KLHL29: variants seen among roughly 807,000 people sequenced by gnomAD.
The protein encoded by KLHL29 is kelch like family member 29, also known as kelch-like protein 29.
A neutral mutation model predicts 80.4 loss-of-function variants in KLHL29; 21 were observed. The ratio of observed to expected loss-of-function variants is 0.26; its 90% confidence interval spans 0.19 to 0.38. The LOEUF (loss-of-function observed/expected upper bound fraction) is 0.38. KLHL29 is among the 10% of genes least tolerant of loss of function. KLHL29 has a pLI of 1.00. For synonymous variants in KLHL29, 511 were observed against 526.8 expected (o/e 0.97, Z 0.41); for missense variants, 867 against 1,223.9 (o/e 0.71, Z 4.35).
At chr2:23,632,360 C>T (rs1191725945) in intron 3 of KLHL29, among the ~76,000 whole-genome samples, 1 of 152,264 alleles carries the variant, frequency 6.6e-6, no homozygotes, top group Non-Finnish European at 1.5e-5. Flanking sequence ...CTTTGCAGTG[C>T]AAGAGCCCCT....
chr2:23,642,802 A>C lies in KLHL29; in HGVS notation c.892A>C (p.Thr298Pro). 1 of 1,550,332 alleles carries C rather than the reference A, an allele frequency of 6.5e-7. No homozygotes were observed. The highest frequency in any genetic ancestry group is 8.7e-7 in the Non-Finnish European group (1 of 1,146,876). Reference sequence around the variant, plus strand: ...GGCCCACGGGCTGCAGATGCTGCGGACCATTGGCGTGGGGAAGTATGAGTT... The same window carrying C: ...GGCCCACGGGCTGCAGATGCTGCGGCCCATTGGCGTGGGGAAGTATGAGTT... ...DSAHGLQMLR[T>P]IGVGKYEFTD... The change falls in exon 5 of 14, where the codon ACC (threonine) becomes CCC (proline). Residue 298 changes from threonine (T) to proline (P), a missense_variant. Thr to Pro is a conservative substitution (Grantham distance 38). Transcript: ENST00000486442.
At chr2:23,559,487 G>T (rs1468296627) in intron 2 of KLHL29, among the ~76,000 whole-genome samples, 1 of 152,202 alleles carries the variant, frequency 6.6e-6, no homozygotes, top group East Asian at 1.9e-4. Flanking sequence ...GGGAGACAGT[G>T]ATGGAAGGTC....
intron 2 of KLHL29, among the ~76,000 whole-genome samples, chr2:23,541,765 C>CAAAAAAAAAAAAAAAAAAAAA (rs149080311): frequency 1.0e-4 from 14 of 139,932 alleles, no homozygotes; most frequent in African/African-American, 4.1e-4. Context: ...AAGCCCAACC[C>CAAAAAAAAAAAAAAAAAAAAA]AAAAAACAAA....
chr2:23,506,768 T>C (rs1454604116), intron 2 of KLHL29, among the ~76,000 whole-genome samples: 1 of 152,176 alleles, frequency 6.6e-6, no homozygotes, highest in Non-Finnish European at 1.5e-5. Flanking sequence ...GTTCCAGCCA[T>C]GTAGGGGACA....
intron 1 of KLHL29, among the ~76,000 whole-genome samples, chr2:23,388,627 G>C (rs1280799383): frequency 6.6e-6 from 1 of 152,112 alleles, no homozygotes; most frequent in African/African-American, 2.4e-5. Flanking sequence ...AATTTTAGTT[G>C]TGCCATCTTT....
At position 23,695,169 on chromosome 2, in the gene KLHL29, A is replaced by C. The variant is rs1671871656; in HGVS notation, c.1543-454A>C. Among the ~76,000 whole-genome samples the C allele has an allele frequency of 1.3e-5, 2 of 152,080 alleles. No homozygotes were observed. Among genetic ancestry groups the C allele is most frequent in the Admixed American group, 1.3e-4 (2 of 15,270 alleles). The stretch of plus-strand genomic sequence containing the variant: ...ACAGGCTCCCACGGCTGAGACTTAC[A>C]AGCTCAATAGTCGCCATCTCCTTGA... On this transcript the variant is annotated intron_variant, in intron 8 of 13. Coordinates refer to ENST00000486442, the MANE Select transcript of KLHL29 (RefSeq NM_052920.2). This position sits in a 1 kb window ranked among gnomAD's most constrained non-coding sequence, Gnocchi z 7.6.
intron 3 of KLHL29, among the ~76,000 whole-genome samples, chr2:23,591,003 G>A (rs1341503888): frequency 6.6e-6 from 1 of 152,100 alleles, no homozygotes; most frequent in Non-Finnish European, 1.5e-5. Flanking sequence ...ATGGCCCAAC[G>A]ACCCCCCTGA....
chr2:23,490,392 A>G (rs1665062689), intron 2 of KLHL29, among the ~76,000 whole-genome samples: 1 of 152,224 alleles, frequency 6.6e-6, no homozygotes, highest in South Asian at 2.1e-4. Context: ...CACACAGTGA[A>G]TACAAGAGAA....
intron 2 of KLHL29, among the ~76,000 whole-genome samples, chr2:23,502,224 G>C (rs1481672407): frequency 6.6e-6 from 1 of 152,182 alleles, no homozygotes; most frequent in African/African-American, 2.4e-5. Context: ...TGCTTTTTCC[G>C]GGATCGCTTG....
At chr2:23,458,186 A>C (rs977120992) in intron 1 of KLHL29, among the ~76,000 whole-genome samples, 2 of 152,184 alleles carry the variant, frequency 1.3e-5, no homozygotes, top group East Asian at 1.9e-4. Context: ...CCAGGGACCT[A>C]CTGGAAGCTC....
chr2:23,460,514 T>C (rs1664179929), intron 1 of KLHL29, among the ~76,000 whole-genome samples: 1 of 152,118 alleles, frequency 6.6e-6, no homozygotes, highest in Non-Finnish European at 1.5e-5. Flanking sequence ...TACAAAGAAT[T>C]ATCTTGCCCC....
intron 2 of KLHL29, among the ~76,000 whole-genome samples, chr2:23,540,418 T>C (rs1666797912): frequency 1.3e-5 from 2 of 152,248 alleles, no homozygotes. Flanking sequence ...GTTTCCACCA[T>C]TGCAGAAAAT....
intron 5 of KLHL29, among the ~76,000 whole-genome samples, chr2:23,666,264 C>G (rs7586023): frequency 0.63 from 95,207 of 152,054 alleles, 31,496 homozygotes; most frequent in East Asian, 0.93. Context: ...TTGCGTGTGC[C>G]TTTTCCAAGG....
At chr2:23,565,620 C>G (rs559613475) in intron 3 of KLHL29, among the ~76,000 whole-genome samples, 8 of 151,798 alleles carry the variant, frequency 5.3e-5, no homozygotes, top group Non-Finnish European at 1.2e-4. Context: ...GCCCTTTCCT[C>G]TAGGGAAAGC....
chr2:23,522,151 C>CTT lies in KLHL29; in HGVS notation c.-45-39992_-45-39991dup, dbSNP rs112951208. On this transcript the variant is annotated intron_variant, in intron 2 of 13. Coordinates refer to ENST00000486442, the MANE Select transcript of KLHL29 (RefSeq NM_052920.2). ...GCTTCAGTGTGTGTTTATTCTAAGG[C>CTT]TTTTTTTTTTCTTTTGAGATGGAGT... 6.1e-3 allele frequency among the ~76,000 whole-genome samples: 908 copies of CTT among 149,390 alleles called. 11 individuals carry two copies. The highest frequency in any genetic ancestry group is 0.021 in the African/African-American group (869 of 40,772).
intron 11 of KLHL29, among the ~76,000 whole-genome samples, chr2:23,699,319 TG>T (rs1477107660): frequency 6.6e-6 from 1 of 152,162 alleles, no homozygotes; most frequent in Non-Finnish European, 1.5e-5. Flanking sequence ...TGGCACAGCA[TG>T]CCATGCCCAG....
intron 2 of KLHL29, among the ~76,000 whole-genome samples, chr2:23,544,717 C>T (rs1355253957): frequency 1.3e-5 from 2 of 152,174 alleles, no homozygotes; most frequent in African/African-American, 4.8e-5. Flanking sequence ...GCAATAAGAA[C>T]GCTGGCCGTG....
chr2:23,437,708 T>C (rs1477328418), intron 1 of KLHL29, among the ~76,000 whole-genome samples: 1 of 152,258 alleles, frequency 6.6e-6, no homozygotes. Context: ...TTTTGGTTAC[T>C]GTAGCCTTGT....
chr2:23,651,386 C>T (rs1670083172), intron 5 of KLHL29, among the ~76,000 whole-genome samples: 2 of 152,004 alleles, frequency 1.3e-5, no homozygotes, highest in African/African-American at 2.4e-5. Context: ...ACTACCTTGC[C>T]CTCCCCTCTT....
Sources: allele counts gnomAD v4.1 joint callset (sites outside exome capture counted in the v4.1 genomes callset), GRCh38; gene constraint gnomAD v4.1.1; non-coding constraint Gnocchi (gnomAD v3.1); transcripts MANE v1.5; gene names NCBI Gene and HGNC (gene_info 2026-07-23, HGNC 2026-07-21).